TENM3: variants seen among roughly 807,000 people sequenced by gnomAD.
The protein encoded by TENM3 is teneurin-3.
In TENM3, 63 loss-of-function variants were observed where a neutral mutation model predicts 255.1. The observed-to-expected ratio is 0.25, with a 90% CI of 0.20 to 0.30. The LOEUF is 0.30. Ranked by LOEUF, TENM3 falls within the 10% of genes least tolerant of loss-of-function variation. TENM3 has a pLI of 1.00. For synonymous variants in TENM3, 1,306 were observed against 1,322.3 expected (o/e 0.99, Z 0.27); for missense variants, 2,929 against 3,461.1 (o/e 0.85, Z 3.86).
At chr4:182,506,020 G>A (rs1736782262) in intron 3 of TENM3, among the ~76,000 whole-genome samples, 5 of 152,172 alleles carry the variant, frequency 3.3e-5, no homozygotes. Flanking sequence ...TACAAGTGGA[G>A]GGGACCTAAG....
At chr4:181,730,210 G>A in the TENM3 span, among the ~76,000 whole-genome samples, 5 of 152,122 alleles carry the variant, frequency 3.3e-5, no homozygotes. Flanking sequence ...TGCACTTTGG[G>A]GCAGGGTTTT....
chr4:181,781,876 C>T, the TENM3 span, among the ~76,000 whole-genome samples: 3 of 152,168 alleles, frequency 2.0e-5, no homozygotes, highest in South Asian at 6.2e-4. Flanking sequence ...ATTGAGATAA[C>T]CATGTGGTTT....
intron 1 of TENM3, among the ~76,000 whole-genome samples, chr4:182,238,070 A>G (rs1757001356): frequency 6.6e-6 from 1 of 152,172 alleles, no homozygotes; most frequent in African/African-American, 2.4e-5. Flanking sequence ...TGTTACTTTT[A>G]AATAAGATGA....
chr4:182,186,742 T>C (rs1356758849), intron 1 of TENM3, among the ~76,000 whole-genome samples: 2 of 109,838 alleles, frequency 1.8e-5, no homozygotes, highest in African/African-American at 6.8e-5. Flanking sequence ...ATACTTTGGG[T>C]AAGAAATATA....
the TENM3 span, among the ~76,000 whole-genome samples, chr4:181,596,063 G>T: frequency 1.3e-5 from 2 of 152,022 alleles, no homozygotes; most frequent in Non-Finnish European, 2.9e-5. Context: ...TGAAGATAGG[G>T]GCTTTGTTTA....
the TENM3 span, among the ~76,000 whole-genome samples, chr4:181,989,039 A>G: frequency 6.6e-6 from 1 of 151,834 alleles, no homozygotes; most frequent in Non-Finnish European, 1.5e-5. Flanking sequence ...TGGCCTTAAG[A>G]CCCCCAAATA....
chr4:181,490,832 T>C, the TENM3 span, among the ~76,000 whole-genome samples: 1 of 152,156 alleles, frequency 6.6e-6, no homozygotes, highest in Non-Finnish European at 1.5e-5. Flanking sequence ...TTGATGAGTC[T>C]CTAGAGTCTT....
At chr4:181,969,976 T>C in the TENM3 span, among the ~76,000 whole-genome samples, 1 of 152,158 alleles carries the variant, frequency 6.6e-6, no homozygotes, top group Non-Finnish European at 1.5e-5. Flanking sequence ...AGAAATAGAG[T>C]TGAGTTTCTT....
chr4:182,381,548 C>T lies in TENM3; in HGVS notation c.511+34619C>T, dbSNP rs557021574. On this transcript the variant is annotated intron_variant, in intron 3 of 27. Coordinates refer to ENST00000511685, the MANE Select transcript of TENM3 (RefSeq NM_001080477.4). ...CTGTTCTTTTCTTTTCCTCCCCTCCCCTCCCCTCTTCTCCCCTCCCCTCCC... is the reference window on the plus strand; with the variant it reads ...CTGTTCTTTTCTTTTCCTCCCCTCCTCTCCCCTCTTCTCCCCTCCCCTCCC... Among the ~76,000 whole-genome samples the T allele has an allele frequency of 2.2e-3, 324 of 149,476 alleles. 1 individual carries two copies. The highest frequency in any genetic ancestry group is 7.5e-3 in the African/African-American group (306 of 40,774).
intron 3 of TENM3, among the ~76,000 whole-genome samples, chr4:182,544,821 A>G (rs1741269082): frequency 6.6e-6 from 1 of 152,188 alleles, no homozygotes; most frequent in Non-Finnish European, 1.5e-5. Context: ...ATATGCCCAC[A>G]CTGTTAAAGA....
chr4:181,586,522 G>T, the TENM3 span, among the ~76,000 whole-genome samples: 4 of 152,130 alleles, frequency 2.6e-5, no homozygotes, highest in Non-Finnish European at 2.9e-5. Context: ...TCAAATCCCA[G>T]TTCAAGTGGT....
chr4:182,387,131 A>G (rs528076738), intron 3 of TENM3, among the ~76,000 whole-genome samples: 152 of 152,310 alleles, frequency 1.0e-3, no homozygotes, highest in African/African-American at 3.5e-3. Context: ...CCCTGTATCT[A>G]GCTGCTCTGG....
the TENM3 span, among the ~76,000 whole-genome samples, chr4:181,539,555 G>A: frequency 0.044 from 6,669 of 152,206 alleles, 222 homozygotes; most frequent in South Asian, 0.15. Flanking sequence ...CCATGTTAGT[G>A]ACATTAAGCA....
chr4:182,096,766 C>A, the TENM3 span, among the ~76,000 whole-genome samples: 2 of 152,196 alleles, frequency 1.3e-5, no homozygotes, highest in South Asian at 4.1e-4. Flanking sequence ...GCAGGAAATT[C>A]AAAAGACAGA....
chr4:182,162,520 C>T (rs1345974441), intron 1 of TENM3, among the ~76,000 whole-genome samples: 2 of 152,070 alleles, frequency 1.3e-5, no homozygotes, highest in Non-Finnish European at 2.9e-5. Context: ...GTTCCAGTGC[C>T]ATCTCAACCT....
chr4:182,369,603 A>G (rs1311722716), intron 3 of TENM3, among the ~76,000 whole-genome samples: 2 of 152,194 alleles, frequency 1.3e-5, no homozygotes, highest in South Asian at 2.1e-4. Flanking sequence ...GTTTCTGGCC[A>G]GGTGTAGTGG....
At chr4:182,669,310 C>T (rs1168029201) in intron 6 of TENM3, among the ~76,000 whole-genome samples, 5 of 152,052 alleles carry the variant, frequency 3.3e-5, no homozygotes, top group Non-Finnish European at 5.9e-5. Context: ...CACTCTGTTG[C>T]CCAGGCTGGA....
At chr4:182,766,101 T>C (rs1763694717) in intron 22 of TENM3, among the ~76,000 whole-genome samples, 1 of 152,176 alleles carries the variant, frequency 6.6e-6, no homozygotes, top group Non-Finnish European at 1.5e-5. Context: ...TTGTCCTCGC[T>C]CAGTGCCAGG....
At chr4:182,787,860 G>T (rs1007381748) in intron 24 of TENM3, among the ~76,000 whole-genome samples, 1 of 151,558 alleles carries the variant, frequency 6.6e-6, no homozygotes, top group African/African-American at 2.4e-5. Flanking sequence ...AGCTTATCGA[G>T]CTGCCATTCC....
Sources: gnomAD v4.1 joint callset for allele counts (sites outside exome capture counted in the v4.1 genomes callset) on GRCh38, gnomAD v4.1.1 for gene constraint, MANE v1.5 for transcripts, NCBI Gene and HGNC (gene_info 2026-07-23, HGNC 2026-07-21) for gene names.